Variants in C10orf143 observed in about 807,000 individuals in gnomAD.
C10orf143 encodes chromosome 10 open reading frame 143, also known as uncharacterized protein C10orf143.
rs780775778 is a variant in C10orf143, at chr10:130,106,063, T to G, written c.69+4641A>C. On this transcript the variant is annotated intron_variant, in intron 1 of 3. Coordinates refer to ENST00000637128, the MANE Select transcript of C10orf143 (RefSeq NM_001355042.2). Reference sequence around the variant, plus strand: ...TTGGCGCTATGTTGGAGCCAGGGGCTACCCCTCAGCGGTACTTGGGGCTGG... The same window carrying G: ...TTGGCGCTATGTTGGAGCCAGGGGCGACCCCTCAGCGGTACTTGGGGCTGG... 40 of 577,800 alleles carry G rather than the reference T, an allele frequency of 6.9e-5. No homozygotes were observed. In the Admixed American group the frequency reaches 8.2e-4, roughly 12 times the overall value. The allele number at this position is 577,800 out of a possible 1,614,324, so 35.8% of individuals were successfully genotyped here. A position where few individuals can be genotyped will look rare whatever the true frequency, so the allele number is the denominator to read the frequency against.
At chr10:130,084,107 G>A (rs759945236) in intron 1 of C10orf143, among the ~76,000 whole-genome samples, 1 of 152,022 alleles carries the variant, frequency 6.6e-6, no homozygotes. Context: ...TCAGGAATTT[G>A]AGACTAGCCT....
downstream of C10orf143, among the ~76,000 whole-genome samples, chr10:130,060,017 A>G (rs2134740453): frequency 6.6e-6 from 1 of 152,004 alleles, no homozygotes; most frequent in African/African-American, 2.4e-5. Flanking sequence ...AGCTGCAGTC[A>G]TATTCTGTCT....
intron 3 of C10orf143, among the ~76,000 whole-genome samples, chr10:130,039,740 A>T (rs1166500847): frequency 2.0e-5 from 3 of 152,052 alleles, no homozygotes; most frequent in Admixed American, 2.0e-4. Flanking sequence ...GCAGGTGGGG[A>T]GGCTGACCTC....
At chr10:130,084,126 T>C (rs1460729621) in intron 1 of C10orf143, among the ~76,000 whole-genome samples, 1 of 151,894 alleles carries the variant, frequency 6.6e-6, no homozygotes, top group Admixed American at 6.6e-5. Flanking sequence ...CTGGCCAATA[T>C]GGTAAAACCC....
In C10orf143 at chr10:130,101,969, C is replaced by T. The variant is rs559021695; in HGVS notation, c.69+8735G>A. 8.1e-4 allele frequency among the ~76,000 whole-genome samples: 121 copies of T among 149,576 alleles called. 1 individual carries two copies. The highest frequency in any genetic ancestry group is 1.3e-3 in the Non-Finnish European group (90 of 67,532). On this transcript the variant is annotated intron_variant, in intron 1 of 3. Transcript: ENST00000637128. The stretch of plus-strand genomic sequence containing the variant: ...AATGTTTAAAAAAAATTCCTTCAGG[C>T]AGAAAACAAAATTGAGGCCAGGCAT...
intron 1 of C10orf143, chr10:130,106,270 G>GAA: frequency 6.4e-7 from 1 of 1,564,152 alleles, no homozygotes; most frequent in Non-Finnish European, 8.8e-7. Context: ...TGGGAAGAGA[G>GAA]AAAAAGCTTG....
In C10orf143 at chr10:130,036,282, G is replaced by A. The variant is rs142605505; in HGVS notation, c.298-312C>T. 5.9e-5 allele frequency among the ~76,000 whole-genome samples: 9 copies of A among 152,292 alleles called. No homozygotes were observed. In the East Asian group the frequency reaches 1.2e-3, roughly 20 times the overall value. On this transcript the variant is annotated intron_variant and NMD_transcript_variant, in intron 3 of 5. Coordinates refer to the C10orf143 transcript ENST00000643056. ...ACTTCCCATGCCAGGCCTGTCTGAC[G>A]AGGAGCCCATCTGGGGTCTTGAGCT...
chr10:130,104,799 A>G (rs1317270170), intron 1 of C10orf143: 1 of 151,954 alleles, frequency 6.6e-6, no homozygotes, highest in Admixed American at 6.6e-5. Context: ...CTTCCATTAA[A>G]CCTTCCCTGT....
intron 1 of C10orf143, among the ~76,000 whole-genome samples, chr10:130,084,137 C>T (rs1337945784): frequency 6.6e-6 from 1 of 151,878 alleles, no homozygotes; most frequent in Non-Finnish European, 1.5e-5. Flanking sequence ...GGTAAAACCC[C>T]ATCTCTACTA....
intron 3 of C10orf143, among the ~76,000 whole-genome samples, chr10:130,038,695 C>T (rs1344033620): frequency 6.6e-6 from 1 of 152,218 alleles, no homozygotes; most frequent in East Asian, 1.9e-4. Context: ...ATGCCTGGGG[C>T]CATCCTTGGC....
chr10:130,051,179 G>A (rs556372964), intron 3 of C10orf143, among the ~76,000 whole-genome samples: 25 of 152,146 alleles, frequency 1.6e-4, no homozygotes, highest in African/African-American at 5.5e-4. Context: ...GTGATACTTA[G>A]CAAACGGTGA....
chr10:130,041,683 G>A (rs1006516055), intron 3 of C10orf143, among the ~76,000 whole-genome samples: 12 of 152,188 alleles, frequency 7.9e-5, no homozygotes, highest in Non-Finnish European at 1.8e-4. Flanking sequence ...TCTTTTCAAT[G>A]TAGCAACACA....
chr10:130,077,825 T>G (rs1861143112), intron 3 of C10orf143, among the ~76,000 whole-genome samples: 1 of 152,254 alleles, frequency 6.6e-6, no homozygotes, highest in African/African-American at 2.4e-5. Flanking sequence ...TATGCAGCTA[T>G]AGTCTGTTCA....
intron 3 of C10orf143, among the ~76,000 whole-genome samples, chr10:130,046,147 G>A (rs1245001109): frequency 1.3e-5 from 2 of 151,298 alleles, no homozygotes; most frequent in Admixed American, 1.3e-4. Context: ...AAGGGGCAGG[G>A]CACGAGGAGT....
At chr10:130,079,928 A>T (rs1187659539) in intron 1 of C10orf143, 27 bp from the exon 2 acceptor site, 3 of 398,522 alleles carry the variant, frequency 7.5e-6, no homozygotes, top group Non-Finnish European at 1.3e-5. Flanking sequence ...TTTACTTTAG[A>T]TGGTCTCATA....
intron 1 of C10orf143, among the ~76,000 whole-genome samples, chr10:130,084,480 A>G (rs1861259004): frequency 6.6e-6 from 1 of 152,240 alleles, no homozygotes; most frequent in African/African-American, 2.4e-5. Context: ...AATACACTGT[A>G]AATAACAAGA....
chr10:130,056,326 G>A lies in C10orf143; in HGVS notation c.298-20356C>T, dbSNP rs144655618. Among the ~76,000 whole-genome samples, 1,399 of 152,230 alleles carry A rather than the reference G, an allele frequency of 9.2e-3. 15 individuals carry two copies. The highest frequency in any genetic ancestry group is 0.04 in the East Asian group (207 of 5,160). On this transcript the variant is annotated intron_variant and NMD_transcript_variant, in intron 3 of 5. Transcript: ENST00000643056. The surrounding 1 kb of genome is among the most constrained non-coding windows in gnomAD (Gnocchi z 4.6). Reference sequence around the variant, plus strand: ...CCAGTGGCCGTACCAGAAGATCAGGGGTGGGGGTGCCGTCATGAGCAGGAT... The same window carrying A: ...CCAGTGGCCGTACCAGAAGATCAGGAGTGGGGGTGCCGTCATGAGCAGGAT...
intron 3 of C10orf143, among the ~76,000 whole-genome samples, chr10:130,044,994 C>T (rs1252887518): frequency 6.6e-6 from 1 of 152,206 alleles, no homozygotes. Context: ...GTGGCTGATG[C>T]TCCAGTGCCT....
intron 1 of C10orf143, chr10:130,106,151 C>T: frequency 1.2e-6 from 1 of 801,856 alleles, no homozygotes; most frequent in Non-Finnish European, 2.1e-6. Context: ...GGATTCGAAT[C>T]CTCATGGTTT....
Sources: allele counts gnomAD v4.1 joint callset (sites outside exome capture counted in the v4.1 genomes callset), GRCh38; gene constraint gnomAD v4.1.1; non-coding constraint Gnocchi (gnomAD v3.1); transcripts MANE v1.5; gene names NCBI Gene and HGNC (gene_info 2026-07-23, HGNC 2026-07-21).